Variants in SEC24B observed in about 807,000 individuals in gnomAD.
SEC24B encodes SEC24 homolog B, COPII component.
A neutral mutation model predicts 142.8 loss-of-function variants in SEC24B; 45 were observed. That is an observed-to-expected ratio of 0.32 (90% confidence interval 0.25 to 0.40). The LOEUF (loss-of-function observed/expected upper bound fraction) is 0.40. Ranked by LOEUF, SEC24B falls within the 10% of genes least tolerant of loss-of-function variation. The pLI, the probability that SEC24B is intolerant of heterozygous loss-of-function variation, is 1.00. For synonymous variants in SEC24B, 574 were observed against 568.2 expected, an observed-to-expected ratio of 1.01 and a Z score of -0.15; for missense variants, 1,409 against 1,526.8, an observed-to-expected ratio of 0.92 and a Z score of 1.29.
chr4:109,484,413 G>T (rs1418102530), intron 4 of SEC24B, among the ~76,000 whole-genome samples: 2 of 152,136 alleles, frequency 1.3e-5, no homozygotes, highest in African/African-American at 4.8e-5. Context: ...TTTATTATTT[G>T]AATAAGGTGG....
intron 1 of SEC24B, among the ~76,000 whole-genome samples, chr4:109,451,357 ATT>A (rs34643747): frequency 2.3e-4 from 32 of 138,770 alleles, no homozygotes; most frequent in South Asian, 4.7e-4. Flanking sequence ...TGCCTTGCTA[ATT>A]TTTTTTTTTT....
intron 1 of SEC24B, among the ~76,000 whole-genome samples, chr4:109,447,733 C>T (rs1037290111): frequency 2.6e-5 from 4 of 151,868 alleles, no homozygotes; most frequent in African/African-American, 9.7e-5. Context: ...AAGCAGAGGT[C>T]AGATGATGGA....
At chr4:109,469,864 G>A (rs1356025314) in intron 2 of SEC24B, among the ~76,000 whole-genome samples, 5 of 151,912 alleles carry the variant, frequency 3.3e-5, no homozygotes, top group African/African-American at 9.7e-5. Context: ...CATAAGCTGC[G>A]AACTGGGAAA....
chr4:109,469,531 G>A (rs74761343), intron 2 of SEC24B, among the ~76,000 whole-genome samples: 2,930 of 152,156 alleles, frequency 0.019, 98 homozygotes, highest in African/African-American at 0.067. Context: ...ATGGTACTTC[G>A]GAGCATTACT....
chr4:109,472,176 A>G (rs1384416912), intron 2 of SEC24B, among the ~76,000 whole-genome samples: 1 of 152,188 alleles, frequency 6.6e-6, no homozygotes, highest in Admixed American at 6.5e-5. Flanking sequence ...CACACACACT[A>G]TACATAGACA....
chr4:109,530,372 G>A lies in SEC24B; in HGVS notation c.3160G>A (p.Gly1054Ser), dbSNP rs753526769. 15 of 1,613,938 alleles carry A rather than the reference G, an allele frequency of 9.3e-6. No individual in the cohort carries two copies. The Admixed American group carries it at 1.7e-4, about 18-fold the overall frequency. Residue 1054 changes from glycine (G) to serine (S), a missense_variant, in exon 19 of 24, where the codon GGC becomes AGC. Physicochemically the swap from Gly to Ser is moderately conservative, Grantham distance 56. Coordinates refer to ENST00000265175, the MANE Select transcript of SEC24B (RefSeq NM_006323.5). ...TGTAGTGGACTCATTGTCTGCATAT[G>A]GCTCAACTGTCTCAAATTTACAGCA... Reference protein sequence around the residue: ...NAVVDSLSAYGSTVSNLQHSA... With the variant: ...NAVVDSLSAYSSTVSNLQHSA...
Position 109,527,310 on chromosome 4 carries a change from CTT to C in SEC24B, c.2966-4_2966-3del. On this transcript the variant is annotated splice_polypyrimidine_tract_variant and intron_variant, in intron 17 of 23. Coordinates refer to ENST00000265175, the MANE Select transcript of SEC24B (RefSeq NM_006323.5). ...TTTTGATCTAATGTATTTTCAATGA[CTT>C]TTTTTTTAGGTGAGCGGAGAATTAG... 4.6e-6 allele frequency: 7 copies of C among 1,513,486 alleles called. No individual in the cohort carries two copies. The highest frequency in any genetic ancestry group is 2.3e-5 in the East Asian group (1 of 42,736). 93.8% of individuals were successfully genotyped at this position (1,513,486 alleles called of 1,614,324 possible). A position where few individuals can be genotyped will look rare whatever the true frequency, so the allele number is the denominator to read the frequency against.
intron 3 of SEC24B, among the ~76,000 whole-genome samples, chr4:109,480,607 A>G (rs1161440799): frequency 3.3e-5 from 5 of 152,042 alleles, no homozygotes; most frequent in Non-Finnish European, 7.4e-5. Context: ...CAGCCTCCCA[A>G]GTAGCTGGGA....
intron 1 of SEC24B, among the ~76,000 whole-genome samples, chr4:109,434,318 A>G (rs1728179247): frequency 1.3e-5 from 2 of 152,110 alleles, no homozygotes; most frequent in Admixed American, 6.5e-5. Flanking sequence ...AGTAGGGGCG[A>G]CTGAAAAGCT....
chr4:109,468,593 G>T lies in SEC24B; in HGVS notation c.878-4411G>T, dbSNP rs141363826. On this transcript the variant is annotated intron_variant, in intron 2 of 23. Transcript: ENST00000265175. Reference sequence around the variant, plus strand: ...GATTTGTGTTTCAGAACTTTCTTCTGTGAACAGTGTAGTAGATAACTGGAG... The same window carrying T: ...GATTTGTGTTTCAGAACTTTCTTCTTTGAACAGTGTAGTAGATAACTGGAG... 2.0e-3 allele frequency among the ~76,000 whole-genome samples: 303 copies of T among 152,302 alleles called. 3 individuals are homozygous for T. The highest frequency in any genetic ancestry group is 6.7e-3 in the African/African-American group (279 of 41,576).
chr4:109,466,711 A>C (rs868143395), intron 2 of SEC24B, among the ~76,000 whole-genome samples: 7 of 152,102 alleles, frequency 4.6e-5, no homozygotes, highest in Non-Finnish European at 7.4e-5. Flanking sequence ...CACCCGGCCA[A>C]TAGTTTTGTG....
chr4:109,525,012 C>A, intron 15 of SEC24B, 71 bp downstream of exon 15: 1 of 1,355,414 alleles, frequency 7.4e-7, no homozygotes, highest in Non-Finnish European at 1.0e-6. Flanking sequence ...CTAAACTCTT[C>A]AGTAAGCATT....
intron 1 of SEC24B, among the ~76,000 whole-genome samples, chr4:109,447,642 CTACTAGTA>C (rs145037471): frequency 0.12 from 17,833 of 151,958 alleles, 3,463 homozygotes; most frequent in African/African-American, 0.4. Context: ...ATGTGGAAGA[CTACTAGTA>C]TACTAGTATA....
At chr4:109,438,991 T>G (rs1163555933) in intron 1 of SEC24B, among the ~76,000 whole-genome samples, 1 of 152,162 alleles carries the variant, frequency 6.6e-6, no homozygotes, top group African/African-American at 2.4e-5. Flanking sequence ...GTAATGAACT[T>G]GTTGGGAGGT....
At chr4:109,514,822 C>T (rs749613096) in intron 10 of SEC24B, among the ~76,000 whole-genome samples, 1 of 152,194 alleles carries the variant, frequency 6.6e-6, no homozygotes, top group African/African-American at 2.4e-5. Flanking sequence ...ATTTTTGGCG[C>T]CTGGCTCATC....
intron 8 of SEC24B, among the ~76,000 whole-genome samples, chr4:109,511,470 A>T (rs2126048302): frequency 6.6e-6 from 1 of 152,350 alleles, no homozygotes; most frequent in South Asian, 2.1e-4. Context: ...CATATTTTCT[A>T]AAGTTTCTAC....
chr4:109,485,314 T>C (rs1244582376), intron 4 of SEC24B, among the ~76,000 whole-genome samples: 1 of 152,212 alleles, frequency 6.6e-6, no homozygotes, highest in Non-Finnish European at 1.5e-5. Flanking sequence ...CCTGAACATA[T>C]TAAGTAACAT....
At chr4:109,438,748 G>A (rs1000848867) in intron 1 of SEC24B, among the ~76,000 whole-genome samples, 3 of 152,150 alleles carry the variant, frequency 2.0e-5, no homozygotes, top group Admixed American at 1.3e-4. Flanking sequence ...CCACTTATTC[G>A]AAGATACAGC....
At chr4:109,454,798 G>A (rs963645695) in intron 1 of SEC24B, among the ~76,000 whole-genome samples, 1 of 152,122 alleles carries the variant, frequency 6.6e-6, no homozygotes, top group African/African-American at 2.4e-5. Context: ...GTAAAAACTG[G>A]CCTTAAAGAA....
Sources: allele counts gnomAD v4.1 joint callset (sites outside exome capture counted in the v4.1 genomes callset), GRCh38; gene constraint gnomAD v4.1.1; transcripts MANE v1.5; gene names NCBI Gene and HGNC (gene_info 2026-07-23, HGNC 2026-07-21).